The following BIRC6 variants were observed in gnomAD, a reference collection of about 807,000 sequenced individuals.
BIRC6 encodes the protein baculoviral IAP repeat containing 6.
BIRC6 carries 98 observed loss-of-function variants against 503.3 expected under a neutral mutation model. The ratio of observed to expected loss-of-function variants is 0.19; its 90% CI spans 0.17 to 0.23. The LOEUF (loss-of-function observed/expected upper bound fraction) is 0.23, where lower values mean the gene tolerates loss of function less well. Among genes scored for constraint, BIRC6 ranks in the 10% least tolerant of loss-of-function variants. BIRC6 has a pLI of 1.00. For missense variants in BIRC6, 5,360 were observed against 5,806.0 expected, an observed-to-expected ratio of 0.92 and a Z score of 2.50; for synonymous variants, 2,240 against 2,078.7, an observed-to-expected ratio of 1.08 and a Z score of -2.11.
intron 3 of BIRC6, among the ~76,000 whole-genome samples, chr2:32,382,547 T>C (rs147739704): frequency 5.9e-5 from 9 of 152,214 alleles, no homozygotes; most frequent in African/African-American, 9.6e-5. Context: ...AAAGAGGAAA[T>C]ACAGTATGCA....
chr2:32,487,536 A>T (rs900601173), intron 40 of BIRC6, 111 bp from the exon 41 acceptor site: 7 of 919,692 alleles, frequency 7.6e-6, no homozygotes, highest in Non-Finnish European at 9.7e-6. Flanking sequence ...CATTCTAAAG[A>T]ATGCAGTTTT....
intron 65 of BIRC6, among the ~76,000 whole-genome samples, chr2:32,570,805 T>C (rs796285496): frequency 2.9e-4 from 44 of 152,020 alleles, no homozygotes; most frequent in African/African-American, 1.1e-3. Flanking sequence ...GGCCTATTTG[T>C]TTATTTTTAA....
chr2:32,468,912 A>G, intron 29 of BIRC6, 129 bp downstream of exon 29: 1 of 684,918 alleles, frequency 1.5e-6, no homozygotes, highest in East Asian at 2.8e-5. Flanking sequence ...AGTATTTATG[A>G]AATGTCTCTT....
chr2:32,501,650 C>G (rs976224407), intron 46 of BIRC6, 63 bp from the exon 47 acceptor site: 7 of 1,404,436 alleles, frequency 5.0e-6, no homozygotes, highest in African/African-American at 2.9e-5. Context: ...AGATTACAGG[C>G]ATGAGCCACT....
intron 54 of BIRC6, among the ~76,000 whole-genome samples, chr2:32,514,532 G>C (rs576378135): frequency 6.6e-6 from 1 of 152,144 alleles, no homozygotes; most frequent in Non-Finnish European, 1.5e-5. Flanking sequence ...TTCTCTGGTA[G>C]GTCATCATAT....
At chr2:32,465,430 T>C (rs554571483) in intron 26 of BIRC6, among the ~76,000 whole-genome samples, 2 of 152,070 alleles carry the variant, frequency 1.3e-5, no homozygotes, top group African/African-American at 4.8e-5. Flanking sequence ...ATAAATAATT[T>C]ATTGTAGTTG....
chr2:32,395,254 A>T (rs1422338935), intron 5 of BIRC6, among the ~76,000 whole-genome samples: 164 of 152,312 alleles, frequency 1.1e-3, no homozygotes, highest in South Asian at 2.9e-3. Flanking sequence ...GCAATGAGAA[A>T]AGTACTAGAT....
At chr2:32,459,200 T>C (rs2047564688) in intron 23 of BIRC6, among the ~76,000 whole-genome samples, 1 of 152,092 alleles carries the variant, frequency 6.6e-6, no homozygotes. Context: ...TTTCTCCCAT[T>C]CCCCCCAAAC....
rs1281320241 is a variant in BIRC6 at position 32,387,301 on chromosome 2, C to CTT, written c.646-1430_646-1429dup. Among the ~76,000 whole-genome samples the CTT allele has an allele frequency of 1.4e-3, 171 of 123,420 alleles. 2 individuals carry two copies. The highest frequency in any genetic ancestry group is 6.1e-3 in the South Asian group (23 of 3,782). The allele number at this position is 123,420 out of a possible 152,430, so 81.0% of individuals were successfully genotyped here. ...AGGTCTAGAAGTTTTCATTCTCCCT[C>CTT]TTTTTTTTTTTTTTTTTTTTAGCAA... On this transcript the variant is annotated intron_variant, in intron 3 of 73. Coordinates refer to ENST00000421745, the MANE Select transcript of BIRC6 (RefSeq NM_016252.4).
chr2:32,519,067 C>G (rs1268605355), intron 57 of BIRC6, 121 bp downstream of exon 57: 1 of 957,394 alleles, frequency 1.0e-6, no homozygotes, highest in Non-Finnish European at 1.5e-6. Flanking sequence ...TAGGAAAGTT[C>G]AAGACATCTT....
chr2:32,511,208 T>C (rs930028167), intron 53 of BIRC6, among the ~76,000 whole-genome samples: 34 of 142,592 alleles, frequency 2.4e-4, no homozygotes, highest in East Asian at 1.0e-3. Flanking sequence ...TTTCTTTTTT[T>C]TTTTTTTTTT....
chr2:32,561,540 A>G (rs1438764845), intron 65 of BIRC6, among the ~76,000 whole-genome samples: 2 of 151,928 alleles, frequency 1.3e-5, no homozygotes, highest in Non-Finnish European at 2.9e-5. Context: ...GTGCCCGCTC[A>G]TGAGTGATAT....
chr2:32,401,647 A>T (rs746738525), intron 8 of BIRC6, 24 bp downstream of exon 8: 12 of 1,579,326 alleles, frequency 7.6e-6, no homozygotes, highest in Non-Finnish European at 1.0e-5. Flanking sequence ...TTTTAGTAGT[A>T]TTTAATAGAT....
intron 28 of BIRC6, 56 bp from the exon 29 acceptor site, chr2:32,468,375 TTGTACA>T (rs1337644337): frequency 1.5e-6 from 2 of 1,327,910 alleles, no homozygotes; most frequent in African/African-American, 2.9e-5. Context: ...TTCTTAGTAT[TTGTACA>T]TGTACATAAA....
At chr2:32,384,165 T>A (rs1268456914) in intron 3 of BIRC6, among the ~76,000 whole-genome samples, 1 of 152,218 alleles carries the variant, frequency 6.6e-6, no homozygotes, top group African/African-American at 2.4e-5. Flanking sequence ...GTGAATGAGT[T>A]TATTAAATAT....
intron 21 of BIRC6, among the ~76,000 whole-genome samples, chr2:32,447,354 C>T (rs1461618901): frequency 1.7e-4 from 26 of 149,706 alleles, no homozygotes; most frequent in Non-Finnish European, 3.0e-4. Flanking sequence ...CCTCACCTCC[C>T]GGATGGGGCG....
chr2:32,446,424 G>A (rs866025751), intron 21 of BIRC6, among the ~76,000 whole-genome samples: 2 of 152,174 alleles, frequency 1.3e-5, no homozygotes, highest in African/African-American at 4.8e-5. Context: ...GATTGTCTAC[G>A]TTTGAAGTAA....
intron 66 of BIRC6, chr2:32,590,827 C>G (rs2151340954): frequency 2.0e-6 from 2 of 985,884 alleles, no homozygotes; most frequent in African/African-American, 3.5e-5. Flanking sequence ...CAACCAGATT[C>G]AACGTATGCA....
rs1377102047 is a variant in BIRC6, at chr2:32,583,324, A to G, written c.13355+7958A>G. Among the ~76,000 whole-genome samples, 5 of 152,170 alleles carry G rather than the reference A, an allele frequency of 3.3e-5. No homozygotes were observed. In the East Asian group the frequency reaches 9.6e-4, roughly 29 times the overall value. ...ATGATGTTTTAATATTTTTTGGTTCAGGGCTCTGTGTTTCTGTAATTTACT... is the reference window on the plus strand; with the variant it reads ...ATGATGTTTTAATATTTTTTGGTTCGGGGCTCTGTGTTTCTGTAATTTACT... On this transcript the variant is annotated intron_variant, in intron 66 of 73. Coordinates refer to ENST00000421745, the MANE Select transcript of BIRC6 (RefSeq NM_016252.4).
Sources: allele counts gnomAD v4.1 joint callset (sites outside exome capture counted in the v4.1 genomes callset), GRCh38; gene constraint gnomAD v4.1.1; transcripts MANE v1.5; gene names NCBI Gene and HGNC (gene_info 2026-07-23, HGNC 2026-07-21).